DLG5: variants seen among roughly 807,000 people sequenced by gnomAD.
The protein encoded by DLG5 is disks large homolog 5.
In DLG5, 48 loss-of-function variants were observed where a neutral mutation model predicts 189.8. The ratio of observed to expected loss-of-function variants is 0.25; its 90% CI spans 0.20 to 0.32. The LOEUF is 0.32. DLG5 is among the 10% of genes least tolerant of loss of function. The pLI, the probability that DLG5 is intolerant of heterozygous loss-of-function variation, is 1.00. For missense variants in DLG5, 2,160 were observed against 2,544.7 expected, an observed-to-expected ratio of 0.85 and a Z score of 3.25; for synonymous variants, 1,016 against 1,054.1, an observed-to-expected ratio of 0.96 and a Z score of 0.70.
chr10:77,792,648 T>C, intron 31 of DLG5, 105 bp from the exon 32 acceptor site: 1 of 1,060,400 alleles, frequency 9.4e-7, no homozygotes, highest in South Asian at 1.3e-5. Context: ...CTGTCTGCTT[T>C]GTGCTCCTTG....
chr10:77,940,152 C>A, the DLG5 span, among the ~76,000 whole-genome samples: 1 of 152,168 alleles, frequency 6.6e-6, no homozygotes, highest in Non-Finnish European at 1.5e-5. Context: ...GCCAGATGTG[C>A]TCCCCTAACC....
intron 1 of DLG5, among the ~76,000 whole-genome samples, chr10:77,919,584 CT>C (rs71030919): frequency 0.23 from 15,782 of 67,278 alleles, 1,136 homozygotes; most frequent in Non-Finnish European, 0.3. Context: ...CAGTTCAGGG[CT>C]TTTTTTTTTT....
Position 77,800,531 on chromosome 10 carries a change from G to A in DLG5, c.5165-3937C>T, listed in dbSNP as rs575479394. Among the ~76,000 whole-genome samples, 41 of 152,126 alleles carry A rather than the reference G, an allele frequency of 2.7e-4. 1 individual carries two copies. In the South Asian group the frequency reaches 7.9e-3, roughly 29 times the overall value. On this transcript the variant is annotated intron_variant, in intron 27 of 31. Transcript: ENST00000372391. Reference sequence around the variant, plus strand: ...GGGCTGAGAACCCAGGCACGGGGCCGCCGCTGAGGGGCTGAGAACCCAGGC... The same window carrying A: ...GGGCTGAGAACCCAGGCACGGGGCCACCGCTGAGGGGCTGAGAACCCAGGC...
chr10:77,819,454 G>A lies in DLG5; in HGVS notation c.3538C>T (p.Arg1180Trp), dbSNP rs541251764. The change falls in exon 17 of 32, where the codon CGG becomes TGG. Residue 1180 changes from arginine (R) to tryptophan (W), a missense_variant. By Grantham distance (101) the Arg-to-Trp change is moderately radical (BLOSUM62 -3). This residue lies in a region of DLG5 where 754 missense variants were observed against 746.5 expected (regional missense o/e 1.01). Transcript: ENST00000372391. ...ACAGTGGTGCTGGGGGTCAAACTCC[G>A]GGGAACAGTGCCTAGAAATGGGCTT... ...PSRPSVGTVP[R>W]SLTPSTTVSS... 85 of 1,613,150 alleles carry A rather than the reference G, an allele frequency of 5.3e-5. No individual in the cohort carries two copies. The African/African-American group carries it at 7.6e-4, about 14-fold the overall frequency.
chr10:77,857,386 G>A (rs6480869), intron 2 of DLG5, among the ~76,000 whole-genome samples: 1,961 of 152,320 alleles, frequency 0.013, 36 homozygotes, highest in African/African-American at 0.044. Context: ...CCCAAGGGCC[G>A]TGTCCCCGCC....
At position 77,805,998 on chromosome 10, in the gene DLG5, C is replaced by A. The variant is rs530075256; in HGVS notation, c.4968-137G>T. The A allele has an allele frequency of 1.1e-5, 9 of 798,100 alleles. 1 individual carries two copies. The South Asian group carries it at 1.3e-4, about 11-fold the overall frequency. The allele number at this position is 798,100 out of a possible 1,614,324, so 49.4% of individuals were successfully genotyped here. A position where few individuals can be genotyped will look rare whatever the true frequency, so the allele number is the denominator to read the frequency against. On this transcript the variant is annotated intron_variant, in intron 26 of 31. Coordinates refer to ENST00000372391, the MANE Select transcript of DLG5 (RefSeq NM_004747.4). ...CACTCCTTGGCAGGTCTCAAGGCTA[C>A]ATCTCCTCCCACGCCCCTGGGAACC...
At chr10:77,795,106 A>T in intron 29 of DLG5, 148 bp from the exon 30 acceptor site, 2 of 614,014 alleles carry the variant, frequency 3.3e-6, no homozygotes, top group Non-Finnish European at 5.7e-6. Flanking sequence ...GGGAAACCAT[A>T]CCCACGAAAC....
intron 9 of DLG5, among the ~76,000 whole-genome samples, chr10:77,833,544 CGAGTGAGT>C (rs66534828): frequency 0.26 from 38,611 of 150,780 alleles, 5,453 homozygotes; most frequent in Admixed American, 0.39. Context: ...AAAATCTCTG[CGAGTGAGT>C]GAGTGAGTGA....
At chr10:77,838,421 G>C (rs961734406) in intron 7 of DLG5, among the ~76,000 whole-genome samples, 1 of 152,110 alleles carries the variant, frequency 6.6e-6, no homozygotes, top group Non-Finnish European at 1.5e-5. Context: ...GCAGGAGGGC[G>C]GCCTTAGGGG....
At chr10:77,854,633 G>A (rs977067569) in intron 3 of DLG5, among the ~76,000 whole-genome samples, 3 of 152,210 alleles carry the variant, frequency 2.0e-5, no homozygotes, top group Non-Finnish European at 2.9e-5. Context: ...TTGTTCTGCA[G>A]GAGCTTCCAG....
At chr10:77,880,407 T>C (rs371803610) in intron 1 of DLG5, among the ~76,000 whole-genome samples, 1 of 152,070 alleles carries the variant, frequency 6.6e-6, no homozygotes, top group African/African-American at 2.4e-5. Flanking sequence ...TGAGCTGAGA[T>C]TGCACCACTG....
At chr10:77,819,495 C>A (rs749480068) in intron 16 of DLG5, 30 bp from the exon 17 acceptor site, 1 of 1,596,724 alleles carries the variant, frequency 6.3e-7, no homozygotes, top group South Asian at 1.1e-5. Flanking sequence ...GAAAAGACGC[C>A]CCAAAGGACC....
At chr10:77,825,374 CCACACACACACACA>C (rs59102694) in intron 13 of DLG5, among the ~76,000 whole-genome samples, 1,547 of 130,892 alleles carry the variant, frequency 0.012, 19 homozygotes, top group Non-Finnish European at 0.016. Flanking sequence ...CCACACACAA[CCACACACACACACA>C]CACACACACA....
At chr10:77,802,835 G>A (rs145207361) in intron 27 of DLG5, among the ~76,000 whole-genome samples, 4,619 of 152,318 alleles carry the variant, frequency 0.03, 233 homozygotes, top group African/African-American at 0.11. Context: ...GGGAGGCAGA[G>A]GTTGCAGCGA....
At chr10:77,920,014 G>A (rs1273652021) in intron 1 of DLG5, among the ~76,000 whole-genome samples, 1 of 152,158 alleles carries the variant, frequency 6.6e-6, no homozygotes, top group East Asian at 1.9e-4. Context: ...CACCTATCTT[G>A]TACTAGGCTC....
chr10:77,881,824 T>G (rs904470010), intron 1 of DLG5, among the ~76,000 whole-genome samples: 3 of 152,164 alleles, frequency 2.0e-5, no homozygotes, highest in Non-Finnish European at 4.4e-5. Context: ...ATGATGGCTC[T>G]GGGAACTGCC....
chr10:77,829,608 G>A (rs1842805901), intron 11 of DLG5, 78 bp from the exon 12 acceptor site: 3 of 1,498,266 alleles, frequency 2.0e-6, no homozygotes, highest in African/African-American at 1.4e-5. Context: ...CTCACTCAGG[G>A]GGCTGACTGC....
intron 27 of DLG5, 146 bp downstream of exon 27, chr10:77,805,519 C>G: frequency 2.2e-6 from 2 of 893,080 alleles, no homozygotes; most frequent in Non-Finnish European, 3.3e-6. Flanking sequence ...TGGCAGCACC[C>G]CCCGACCAAG....
At chr10:77,938,703 C>T in the DLG5 span, among the ~76,000 whole-genome samples, 10 of 152,164 alleles carry the variant, frequency 6.6e-5, no homozygotes, top group Admixed American at 2.6e-4. Context: ...GCCCACAGGC[C>T]CCAGTTACTC....
Sources: gnomAD v4.1 joint callset for allele counts (sites outside exome capture counted in the v4.1 genomes callset) on GRCh38, gnomAD v4.1.1 for gene constraint, gnomAD v4.1.1 regional missense constraint, MANE v1.5 for transcripts, NCBI Gene and HGNC (gene_info 2026-07-23, HGNC 2026-07-21) for gene names.